The following PCDHGB1 variants were observed in gnomAD, a reference collection of about 807,000 sequenced individuals.
PCDHGB1 encodes the protein protocadherin gamma subfamily B, 1, also known as protocadherin gamma-B1.
PCDHGB1 carries 34 observed loss-of-function variants against 56.6 expected under a neutral mutation model. The ratio of observed to expected loss-of-function variants is 0.60; its 90% CI spans 0.46 to 0.80. The LOEUF is 0.80. PCDHGB1 is among the 30% of genes least tolerant of loss of function. PCDHGB1 has a pLI of 0.00. For missense variants in PCDHGB1, 1,278 were observed against 1,204.6 expected (o/e 1.06, Z -0.90); for synonymous variants, 561 against 505.9 (o/e 1.11, Z -1.46).
At chr5:141,501,330 CACA>C (rs1301023208) in intron 2 of PCDHGB1, among the ~76,000 whole-genome samples, 82 of 151,502 alleles carry the variant, frequency 5.4e-4, no homozygotes, top group Admixed American at 2.2e-3. Flanking sequence ...CACACACACA[CACA>C]CCCCAAACTC....
At position 141,432,325 on chromosome 5, in the gene PCDHGB1, C is replaced by A; in HGVS notation, c.2410-62482C>A. 6.2e-7 allele frequency: 1 copy of A among 1,614,260 alleles called. No individual in the cohort carries two copies. The highest frequency in any genetic ancestry group is 1.1e-5 in the South Asian group (1 of 91,092). On this transcript the variant is annotated intron_variant, in intron 1 of 3. Transcript: ENST00000523390. The surrounding 1 kb of genome is among the most constrained non-coding windows in gnomAD (Gnocchi z 6.0). The stretch of plus-strand genomic sequence containing the variant: ...TGTATGCGCTGAGCTCCTTCGACTA[C>A]GAGCAGTTCCGAGACTTGCAAGTGA...
At chr5:141,468,160 G>C (rs2099158881) in intron 1 of PCDHGB1, among the ~76,000 whole-genome samples, 1 of 151,468 alleles carries the variant, frequency 6.6e-6, no homozygotes, top group African/African-American at 2.4e-5. Context: ...CCCTGTCTCT[G>C]CTAAAAATAG....
intron 1 of PCDHGB1, chr5:141,423,427 G>A: frequency 1.2e-6 from 2 of 1,614,010 alleles, no homozygotes; most frequent in Non-Finnish European, 1.7e-6. Flanking sequence ...AGGCGGGTTG[G>A]CAGGTATGCC....
chr5:141,511,138 A>C lies in PCDHGB1; in HGVS notation c.2749A>C (p.Asn917His). 6.2e-7 allele frequency: 1 copy of C among 1,614,210 alleles called. No homozygotes were observed. ...DGKAPAGGNGNKKKSGKKEKK is the reference protein window; with the variant it reads ...DGKAPAGGNGHKKKSGKKEKK ...CAAGGCCCCAGCAGGTGGCAATGGCAACAAGAAGAAGTCGGGCAAGAAGGA... is the reference window on the plus strand; with the variant it reads ...CAAGGCCCCAGCAGGTGGCAATGGCCACAAGAAGAAGTCGGGCAAGAAGGA... Residue 917 changes from asparagine to histidine, a missense_variant, in exon 4 of 4, where the codon AAC becomes CAC. Transcript: ENST00000523390.
chr5:141,489,427 C>T lies in PCDHGB1; in HGVS notation c.2410-5380C>T, dbSNP rs370540900. 83 of 1,613,990 alleles carry T rather than the reference C, an allele frequency of 5.1e-5. No individual in the cohort carries two copies. The highest frequency in any genetic ancestry group is 8.3e-5 in the Admixed American group (5 of 59,996). On this transcript the variant is annotated intron_variant, in intron 1 of 3. Transcript: ENST00000523390. The surrounding 1 kb of genome is among the most constrained non-coding windows in gnomAD (Gnocchi z 4.5). ...AAAGATGACAGATCTGTTGAGCCGGCGGCTGCAATTGGGCTCTGAGGAGAA... is the reference window on the plus strand; with the variant it reads ...AAAGATGACAGATCTGTTGAGCCGGTGGCTGCAATTGGGCTCTGAGGAGAA...
At chr5:141,502,710 C>T (rs2099815750) in intron 2 of PCDHGB1, among the ~76,000 whole-genome samples, 1 of 152,168 alleles carries the variant, frequency 6.6e-6, no homozygotes, top group South Asian at 2.1e-4. Context: ...GTTTTTACAT[C>T]AGTGATTACA....
chr5:141,422,409 A>G, intron 1 of PCDHGB1: 1 of 1,601,728 alleles, frequency 6.2e-7, no homozygotes. Flanking sequence ...TGCCTTTTAA[A>G]TTAGAAAAGA....
At chr5:141,413,716 C>T in intron 1 of PCDHGB1, 2 of 1,613,608 alleles carry the variant, frequency 1.2e-6, no homozygotes, top group Non-Finnish European at 1.7e-6. Flanking sequence ...CCCCAATAAG[C>T]ACTTCTCCCT....
chr5:141,456,884 A>G (rs1448469695), intron 1 of PCDHGB1, among the ~76,000 whole-genome samples: 1 of 151,974 alleles, frequency 6.6e-6, no homozygotes, highest in East Asian at 1.9e-4. Flanking sequence ...AATCGCTTGA[A>G]CCCGGGAGGC....
intron 1 of PCDHGB1, chr5:141,355,392 C>T (rs1039208942): frequency 1.9e-5 from 30 of 1,614,084 alleles, no homozygotes; most frequent in Non-Finnish European, 2.5e-5. Flanking sequence ...AGCGCGGAGT[C>T]CGCATCGTCT....
chr5:141,394,463 G>A (rs1244366845), intron 1 of PCDHGB1: 2 of 1,614,248 alleles, frequency 1.2e-6, no homozygotes, highest in South Asian at 2.2e-5. Flanking sequence ...CACTGAGCCT[G>A]TTCGTGCTGG....
At position 141,476,290 on chromosome 5, in the gene PCDHGB1, C is replaced by T. The variant is rs768208156; in HGVS notation, c.2410-18517C>T. ...TGGTCGCGAACCTTGGTTTGGATCT[C>T]GGTAGCCTCTCAGCCCGCAGGTTCC... On this transcript the variant is annotated intron_variant, in intron 1 of 3. Coordinates refer to ENST00000523390, the MANE Select transcript of PCDHGB1 (RefSeq NM_018922.3). The surrounding 1 kb of genome is among the most constrained non-coding windows in gnomAD (Gnocchi z 7.6). 1.7e-5 allele frequency: 27 copies of T among 1,613,932 alleles called. No individual in the cohort carries two copies. Among genetic ancestry groups the T allele is most frequent in the Non-Finnish European group, 2.3e-5 (27 of 1,180,018 alleles).
At chr5:141,375,970 G>C in intron 1 of PCDHGB1, 2 of 1,613,334 alleles carry the variant, frequency 1.2e-6, no homozygotes, top group Non-Finnish European at 1.7e-6. Flanking sequence ...TGCGCACGGC[G>C]CGCGCCCTGC....
chr5:141,380,050 C>A (rs112095214), intron 1 of PCDHGB1, among the ~76,000 whole-genome samples: 11,568 of 151,826 alleles, frequency 0.076, 586 homozygotes, highest in African/African-American at 0.14. Context: ...CAGGTGCATG[C>A]CACCATGCCT....
At chr5:141,353,486 C>T (rs2149775311) in intron 1 of PCDHGB1, among the ~76,000 whole-genome samples, 1 of 152,174 alleles carries the variant, frequency 6.6e-6, no homozygotes, top group East Asian at 1.9e-4. Flanking sequence ...ACTCTTAACA[C>T]TTTGTCTCAT....
chr5:141,430,594 C>T, intron 1 of PCDHGB1: 3 of 563,604 alleles, frequency 5.3e-6, no homozygotes, highest in Non-Finnish European at 5.7e-6. Flanking sequence ...GCCTTGCACG[C>T]GCCTGAAGCA....
At chr5:141,496,236 C>T (rs1290509264) in intron 2 of PCDHGB1, among the ~76,000 whole-genome samples, 7 of 152,138 alleles carry the variant, frequency 4.6e-5, no homozygotes, top group Middle Eastern at 3.2e-3. Flanking sequence ...GAACCCCCTG[C>T]GGGCTGAAGG....
intron 1 of PCDHGB1, chr5:141,366,742 G>T (rs762560261): frequency 1.2e-6 from 2 of 1,611,864 alleles, no homozygotes; most frequent in East Asian, 2.2e-5. Flanking sequence ...AAGAAGAACG[G>T]CGAGTTCAGG....
chr5:141,432,084 T>A lies in PCDHGB1; in HGVS notation c.2410-62723T>A, dbSNP rs1372151428. 1.2e-6 allele frequency: 2 copies of A among 1,614,186 alleles called. No individual in the cohort carries two copies. Among genetic ancestry groups the A allele is most frequent in the Admixed American group, 1.7e-5 (1 of 60,022 alleles). On this transcript the variant is annotated intron_variant, in intron 1 of 3. Transcript: ENST00000523390. This position sits in a 1 kb window ranked among gnomAD's most constrained non-coding sequence, Gnocchi z 6.0. Reference sequence around the variant, plus strand: ...ACGGAAACTCATATCTCGCTGAACGTGGCAGACACCAACGACAACCCGCCG... The same window carrying A: ...ACGGAAACTCATATCTCGCTGAACGAGGCAGACACCAACGACAACCCGCCG...
Sources: gnomAD v4.1 joint callset for allele counts (sites outside exome capture counted in the v4.1 genomes callset) on GRCh38, gnomAD v4.1.1 for gene constraint, Gnocchi (gnomAD v3.1) non-coding constraint, MANE v1.5 for transcripts, NCBI Gene and HGNC (gene_info 2026-07-23, HGNC 2026-07-21) for gene names.